Variants in TBC1D12 observed in about 807,000 individuals in gnomAD.
The protein encoded by TBC1D12 is TBC1 domain family member 12, also known as TBC1 domain family, member 12.
A neutral mutation model predicts 86.7 loss-of-function variants in TBC1D12; 56 were observed. The observed-to-expected ratio is 0.65, with a 90% CI of 0.52 to 0.81. The LOEUF (loss-of-function observed/expected upper bound fraction) is 0.81. TBC1D12 is among the 30% of genes least tolerant of loss of function. The probability of loss-of-function intolerance (pLI) is 0.00; values close to 1 mark genes in which losing one functional copy is unlikely to be tolerated. For missense variants in TBC1D12, 1,023 were observed against 1,038.8 expected (o/e 0.98, Z 0.21); for synonymous variants, 421 against 411.7 (o/e 1.02, Z -0.27).
At chr10:94,447,388 A>G (rs910702974) in intron 2 of TBC1D12, among the ~76,000 whole-genome samples, 1 of 152,146 alleles carries the variant, frequency 6.6e-6, no homozygotes, top group African/African-American at 2.4e-5. Flanking sequence ...GTATCTTTTC[A>G]GAGATATTTG....
chr10:94,474,678 C>A lies in TBC1D12; in HGVS notation c.1106C>A (p.Ala369Glu). 6.2e-7 allele frequency: 1 copy of A among 1,613,840 alleles called. No individual in the cohort carries two copies. Among genetic ancestry groups the A allele is most frequent in the Non-Finnish European group, 8.5e-7 (1 of 1,179,862 alleles). ...TSKIIQQEYE[A>E]RTGRTCKPPP... ...TTTAATTTACTCTAGGAATATGAAG[C>A]ACGAACGGGGAGGACCTGTAAACCA... The change falls in exon 3 of 13, where the codon GCA (alanine) becomes GAA (glutamate). Residue 369 changes from alanine (A) to glutamate (E), a missense_variant. Ala to Glu is a moderately radical substitution (Grantham distance 107). Transcript: ENST00000225235.
intron 4 of TBC1D12, among the ~76,000 whole-genome samples, chr10:94,494,479 T>A (rs2056288401): frequency 6.6e-6 from 1 of 152,232 alleles, no homozygotes; most frequent in East Asian, 1.9e-4. Flanking sequence ...ATTAGTTGAG[T>A]GTATTTTACT....
At chr10:94,424,492 C>T (rs564087065) in intron 1 of TBC1D12, among the ~76,000 whole-genome samples, 13 of 152,154 alleles carry the variant, frequency 8.5e-5, no homozygotes, top group African/African-American at 3.1e-4. Flanking sequence ...TATTTGAGCA[C>T]CACCTATATT....
intron 2 of TBC1D12, among the ~76,000 whole-genome samples, chr10:94,444,227 AT>A (rs79421771): frequency 2.6e-3 from 374 of 143,802 alleles, no homozygotes; most frequent in Admixed American, 3.8e-3. Flanking sequence ...ATTTATGTGT[AT>A]TTTTTTTTTT....
chr10:94,468,464 T>C (rs1280205178), intron 2 of TBC1D12, among the ~76,000 whole-genome samples: 1 of 152,220 alleles, frequency 6.6e-6, no homozygotes, highest in East Asian at 1.9e-4. Flanking sequence ...TCTAAGTTAA[T>C]AGATGTTCCC....
chr10:94,424,223 G>A (rs1589606499), intron 1 of TBC1D12, among the ~76,000 whole-genome samples: 1 of 152,182 alleles, frequency 6.6e-6, no homozygotes, highest in Non-Finnish European at 1.5e-5. Flanking sequence ...TTTCCTAGTT[G>A]TAGAAAGAGA....
rs1402439464 is a variant in TBC1D12, at chr10:94,534,194, G to C, written c.*1098G>C. The C allele has an allele frequency of 6.6e-6, 1 of 152,188 alleles. No homozygotes were observed. The highest frequency in any genetic ancestry group is 2.4e-5 in the African/African-American group (1 of 41,446). The allele number at this position is 152,188 out of a possible 1,614,324, so 9.4% of individuals were successfully genotyped here. On this transcript the variant is annotated 3_prime_UTR_variant, in exon 13 of 13. Coordinates refer to ENST00000225235, the MANE Select transcript of TBC1D12 (RefSeq NM_015188.2). ...GTTGCCTGAAGAAGCTGGGTAAGGAGATTAGTCTTGTTATTGATTCTTTTA... is the reference window on the plus strand; with the variant it reads ...GTTGCCTGAAGAAGCTGGGTAAGGACATTAGTCTTGTTATTGATTCTTTTA...
chr10:94,415,518 G>A (rs2054987912), intron 1 of TBC1D12, among the ~76,000 whole-genome samples: 1 of 152,168 alleles, frequency 6.6e-6, no homozygotes, highest in South Asian at 2.1e-4. Context: ...CGGATCACGA[G>A]GTCAGGAGAT....
chr10:94,487,406 CTT>C (rs989991772), intron 3 of TBC1D12, among the ~76,000 whole-genome samples: 7 of 150,350 alleles, frequency 4.7e-5, no homozygotes, highest in Non-Finnish European at 8.9e-5. Context: ...TCCTTCCAGT[CTT>C]TCTTTTAGTG....
intron 9 of TBC1D12, among the ~76,000 whole-genome samples, chr10:94,517,105 C>T (rs954606841): frequency 2.6e-5 from 4 of 152,052 alleles, no homozygotes; most frequent in Admixed American, 6.6e-5. Context: ...AGGCTGCGTG[C>T]GGTGGCTCAT....
Position 94,441,988 on chromosome 10 carries a change from A to C in TBC1D12, c.1064A>C (p.Asn355Thr), listed in dbSNP as rs780218112. The change falls in exon 2 of 13, where the codon AAT becomes ACT. Residue 355 changes from asparagine to threonine, a missense_variant. This residue lies in a region of TBC1D12 where 628 missense variants were observed against 531.1 expected (regional missense o/e 1.18). Transcript: ENST00000225235. ...KLFGKVPPRE[N>T]LQKTSKIIQQ... ...TTTGGTAAAGTCCCTCCTAGAGAGA[A>C]TCTTCAGAAAACATCCAAAATCATT... 3 of 1,613,030 alleles carry C rather than the reference A, an allele frequency of 1.9e-6. No individual in the cohort carries two copies. The highest frequency in any genetic ancestry group is 2.2e-5 in the South Asian group (2 of 90,938).
intron 1 of TBC1D12, among the ~76,000 whole-genome samples, chr10:94,420,323 G>A (rs777580998): frequency 7.9e-5 from 12 of 152,166 alleles, no homozygotes; most frequent in African/African-American, 2.7e-4. Context: ...TCTCCAGAAC[G>A]TTGAGATACA....
chr10:94,404,749 G>A (rs1386518298), intron 1 of TBC1D12, among the ~76,000 whole-genome samples: 3 of 151,776 alleles, frequency 2.0e-5, no homozygotes. Flanking sequence ...AATAAGAGTA[G>A]TCAGAAAATA....
At chr10:94,508,555 T>G (rs541584539) in intron 7 of TBC1D12, 1 of 152,248 alleles carries the variant, frequency 6.6e-6, no homozygotes, top group African/African-American at 2.4e-5. Context: ...AATCTAAATC[T>G]GTGTAATGGG....
At chr10:94,467,319 G>A (rs1390323196) in intron 2 of TBC1D12, among the ~76,000 whole-genome samples, 1 of 151,928 alleles carries the variant, frequency 6.6e-6, no homozygotes, top group African/African-American at 2.4e-5. Flanking sequence ...TGCAACCTTT[G>A]CCTCCTGGGT....
At chr10:94,510,808 G>C (rs1472526631) in intron 8 of TBC1D12, among the ~76,000 whole-genome samples, 1 of 151,978 alleles carries the variant, frequency 6.6e-6, no homozygotes, top group Non-Finnish European at 1.5e-5. Context: ...ACCACACCCA[G>C]CTGATTCAAG....
At chr10:94,531,804 GTTATT>G (rs1171764219) in intron 12 of TBC1D12, among the ~76,000 whole-genome samples, 30 of 132,046 alleles carry the variant, frequency 2.3e-4, no homozygotes, top group African/African-American at 6.8e-4. Context: ...TTTATTTTAT[GTTATT>G]TTATTTTATG....
At chr10:94,516,660 A>C (rs189977844) in intron 9 of TBC1D12, among the ~76,000 whole-genome samples, 138 of 148,114 alleles carry the variant, frequency 9.3e-4, no homozygotes, top group African/African-American at 3.1e-3. Context: ...GAGTGAGAAC[A>C]TGCAGTGTTT....
chr10:94,487,389 C>A (rs536907911), intron 3 of TBC1D12, among the ~76,000 whole-genome samples: 31 of 150,882 alleles, frequency 2.1e-4, no homozygotes, highest in African/African-American at 7.0e-4. Flanking sequence ...GTCTTCTCTT[C>A]TTTCGTTCCT....
Sources: allele counts gnomAD v4.1 joint callset (sites outside exome capture counted in the v4.1 genomes callset), GRCh38; gene constraint gnomAD v4.1.1; regional missense constraint gnomAD v4.1.1; transcripts MANE v1.5; gene names NCBI Gene and HGNC (gene_info 2026-07-23, HGNC 2026-07-21).